Variants in RIPOR3 observed in about 807,000 individuals in gnomAD.
RIPOR3 encodes RIPOR family member 3, also known as family with sequence similarity 65 member C.
Under a neutral mutation model 114.3 loss-of-function variants are expected in RIPOR3, and 95 were observed. The ratio of observed to expected loss-of-function variants is 0.83; its 90% CI spans 0.70 to 0.99. The LOEUF (loss-of-function observed/expected upper bound fraction) is 0.99. RIPOR3 is among the 50% of genes least tolerant of loss of function. RIPOR3 has a pLI of 0.00. For missense variants in RIPOR3, 1,252 were observed against 1,266.9 expected (o/e 0.99, Z 0.18); for synonymous variants, 575 against 543.8 (o/e 1.06, Z -0.80).
intron 1 of RIPOR3, among the ~76,000 whole-genome samples, chr20:50,649,860 C>T (rs932455444): frequency 6.6e-6 from 1 of 152,166 alleles, no homozygotes; most frequent in Admixed American, 6.5e-5. Flanking sequence ...GATCTGGGCG[C>T]CAAAAGCCCT....
rs563759560 is a variant in RIPOR3 at position 50,614,011 on chromosome 20, TTTGC to T, written c.348+1987_348+1990del. Reference sequence around the variant, plus strand: ...GCCAGGATACAGAGACGGCCGCTTGTTTGCTTGCTTATTTCATTCATTCATTCAT... The same window carrying T: ...GCCAGGATACAGAGACGGCCGCTTGTTTGCTTATTTCATTCATTCATTCAT... On this transcript the variant is annotated intron_variant, in intron 4 of 21. Transcript: ENST00000327979. Among the ~76,000 whole-genome samples the T allele has an allele frequency of 4.1e-4, 63 of 152,126 alleles. 1 individual carries two copies. The highest frequency in any genetic ancestry group is 2.9e-3 in the South Asian group (14 of 4,816).
intron 1 of RIPOR3, among the ~76,000 whole-genome samples, chr20:50,648,158 C>T (rs1259147214): frequency 2.0e-5 from 3 of 151,732 alleles, no homozygotes; most frequent in African/African-American, 7.3e-5. Context: ...CACCTGTAAT[C>T]CCAGCTACTC....
chr20:50,615,876 C>A, intron 4 of RIPOR3, 126 bp downstream of exon 4: 1 of 853,772 alleles, frequency 1.2e-6, no homozygotes, highest in Non-Finnish European at 1.8e-6. Context: ...CGTGAAGAGG[C>A]TATTCCATAA....
At chr20:50,655,669 C>CTGTGTGTGTGTGTG (rs11469999) in intron 1 of RIPOR3, among the ~76,000 whole-genome samples, 137 of 145,282 alleles carry the variant, frequency 9.4e-4, no homozygotes, top group African/African-American at 3.1e-3. Context: ...TTAGCGTGGG[C>CTGTGTGTGTGTGTG]TGTGTGTGTG....
In RIPOR3 at chr20:50,608,440, A is replaced by G. The variant is rs2083808401; in HGVS notation, c.905T>C (p.Val302Ala). 2 of 1,613,986 alleles carry G rather than the reference A, an allele frequency of 1.2e-6. No homozygotes were observed. Among genetic ancestry groups the G allele is most frequent in the Non-Finnish European group, 1.7e-6 (2 of 1,179,942 alleles). ...FFTTRPQVIV[V>A]DITELGTIKL... ...GATGGTACCCAACTCCGTGATGTCC[A>G]CCACGATGACCTGCGGCCGCGTCGT... The change falls in exon 11 of 22, where the codon GTG becomes GCG. Residue 302 changes from valine (V) to alanine (A), a missense_variant. Physicochemically the swap from Val to Ala is moderately conservative, Grantham distance 64 (BLOSUM62 0). Transcript: ENST00000327979.
intron 1 of RIPOR3, among the ~76,000 whole-genome samples, chr20:50,681,844 A>G (rs772483630): frequency 1.3e-5 from 2 of 152,222 alleles, no homozygotes; most frequent in Non-Finnish European, 2.9e-5. Context: ...CCTCTCCTGC[A>G]GGAGAAGCTG....
chr20:50,615,861 T>A, intron 4 of RIPOR3, 141 bp downstream of exon 4: 1 of 739,242 alleles, frequency 1.4e-6, no homozygotes, highest in Non-Finnish European at 2.2e-6. Flanking sequence ...GTTAACTCAG[T>A]GCAACGTGAA....
chr20:50,634,746 A>G (rs2084926055), intron 1 of RIPOR3, among the ~76,000 whole-genome samples: 2 of 152,226 alleles, frequency 1.3e-5, no homozygotes, highest in Admixed American at 1.3e-4. Context: ...AAAGCCAGAT[A>G]GAAAGGCTGA....
chr20:50,639,646 G>A (rs1438265711), intron 1 of RIPOR3, among the ~76,000 whole-genome samples: 1 of 152,186 alleles, frequency 6.6e-6, no homozygotes, highest in Non-Finnish European at 1.5e-5. Context: ...GGCAGGAGGA[G>A]CACTTGAGCC....
chr20:50,664,408 C>G (rs2086113295), intron 1 of RIPOR3, among the ~76,000 whole-genome samples: 1 of 152,194 alleles, frequency 6.6e-6, no homozygotes, highest in Non-Finnish European at 1.5e-5. Context: ...GCTGGGTCAG[C>G]AGTCGCACTG....
chr20:50,610,191 C>G (rs897756870), intron 6 of RIPOR3, among the ~76,000 whole-genome samples: 3 of 150,896 alleles, frequency 2.0e-5, no homozygotes, highest in Non-Finnish European at 4.4e-5. Context: ...TCTCCTGCCT[C>G]TCCTGCCACC....
rs76609332 is a variant in RIPOR3 at position 50,663,231 on chromosome 20, C to A, written c.3+27895G>T. Among the ~76,000 whole-genome samples, 1,364 of 152,250 alleles carry A rather than the reference C, an allele frequency of 9.0e-3. 9 individuals are homozygous for A. The highest frequency in any genetic ancestry group is 0.013 in the Non-Finnish European group (908 of 68,030). Reference sequence around the variant, plus strand: ...AGGCCACATTTTCTCCAGTGCACCTCTGTCCTTCAGCAAGTGACCTGAGGC... The same window carrying A: ...AGGCCACATTTTCTCCAGTGCACCTATGTCCTTCAGCAAGTGACCTGAGGC... On this transcript the variant is annotated intron_variant, in intron 1 of 21. Transcript: ENST00000327979.
At chr20:50,592,652 A>G in intron 18 of RIPOR3, 106 bp from the exon 19 acceptor site, 1 of 1,058,356 alleles carries the variant, frequency 9.4e-7, no homozygotes, top group Non-Finnish European at 1.3e-6. Flanking sequence ...AACAAATCCC[A>G]GACCCACCGG....
rs769852864 is a variant in RIPOR3, at chr20:50,608,705, G to A, written c.718C>T (p.Leu240Phe). Residue 240 changes from leucine (L) to phenylalanine (F), a missense_variant, in exon 10 of 22, where the codon CTC becomes TTC. Coordinates refer to ENST00000327979, the MANE Select transcript of RIPOR3 (RefSeq NM_001290268.2). ...TCATCTGACTCGATCCGACCCTTGAGCTTCCAACGCTGGCGGCCCAGACGC... is the reference window on the plus strand; with the variant it reads ...TCATCTGACTCGATCCGACCCTTGAACTTCCAACGCTGGCGGCCCAGACGC... ...LMRLGRQRWKLKGRIESDDSQ... is the reference protein window; with the variant it reads ...LMRLGRQRWKFKGRIESDDSQ... The A allele has an allele frequency of 9.9e-6, 16 of 1,614,054 alleles. No individual in the cohort carries two copies. The highest frequency in any genetic ancestry group is 1.4e-5 in the Non-Finnish European group (16 of 1,179,932).
At chr20:50,642,611 C>A (rs1354351506) in intron 1 of RIPOR3, among the ~76,000 whole-genome samples, 1 of 151,222 alleles carries the variant, frequency 6.6e-6, no homozygotes, top group African/African-American at 2.4e-5. Context: ...CCCCATGAGG[C>A]CTTAGTCAAG....
intron 1 of RIPOR3, among the ~76,000 whole-genome samples, chr20:50,666,439 G>A (rs1345927002): frequency 1.3e-5 from 2 of 151,442 alleles, no homozygotes; most frequent in African/African-American, 4.9e-5. Context: ...GCTCAGGCTG[G>A]TCTCGAATTC....
chr20:50,620,316 G>A (rs1358710501), intron 2 of RIPOR3, among the ~76,000 whole-genome samples, 184 bp from the exon 3 acceptor site: 7 of 152,166 alleles, frequency 4.6e-5, no homozygotes, highest in Non-Finnish European at 1.5e-5. Flanking sequence ...CTGGGTCTCT[G>A]CTTTCTCATC....
At chr20:50,595,258 T>G in intron 16 of RIPOR3, 111 bp downstream of exon 16, 7 of 1,421,092 alleles carry the variant, frequency 4.9e-6, no homozygotes, top group Non-Finnish European at 6.7e-6. Context: ...GCCTCCACTC[T>G]GGGCCCCGAT....
At chr20:50,631,553 T>G (rs1198372659) in intron 1 of RIPOR3, among the ~76,000 whole-genome samples, 1 of 152,172 alleles carries the variant, frequency 6.6e-6, no homozygotes, top group Non-Finnish European at 1.5e-5. Context: ...CAAGAGGCAT[T>G]GGTAGCCCCA....
Sources: gnomAD v4.1 joint callset for allele counts (sites outside exome capture counted in the v4.1 genomes callset) on GRCh38, gnomAD v4.1.1 for gene constraint, MANE v1.5 for transcripts, NCBI Gene and HGNC (gene_info 2026-07-23, HGNC 2026-07-21) for gene names.